The following BPTF variants were observed in gnomAD, a reference collection of about 807,000 sequenced individuals.
BPTF encodes bromodomain PHD finger transcription factor.
Under a neutral mutation model 292.5 loss-of-function variants are expected in BPTF, and 18 were observed. The observed-to-expected ratio is 0.06, with a 90% CI of 0.04 to 0.09. The LOEUF (loss-of-function observed/expected upper bound fraction) is 0.09. BPTF is among the 10% of genes least tolerant of loss of function. The pLI is 1.00. For missense variants in BPTF, 2,726 were observed against 3,498.7 expected (o/e 0.78, Z 5.57); for synonymous variants, 1,225 against 1,251.9 (o/e 0.98, Z 0.45).
At chr17:67,932,153 C>CA in intron 18 of BPTF, 134 bp downstream of exon 18, 1 of 715,458 alleles carries the variant, frequency 1.4e-6, no homozygotes, top group Middle Eastern at 2.5e-4. Flanking sequence ...ATTTCTAATC[C>CA]ATTGTGAGCT....
At position 67,918,842 on chromosome 17, in the gene BPTF, A is replaced by C; in HGVS notation, c.5428+4A>C. On this transcript the variant is annotated splice_donor_region_variant and intron_variant, in intron 12 of 27. Transcript: ENST00000306378. The stretch of plus-strand genomic sequence containing the variant: ...GGAGGAGGGACTACACGGACAGGTA[A>C]GGGGGAAGGGAGTTATTTTCTAATT... The C allele has an allele frequency of 6.2e-7, 1 of 1,612,308 alleles. No individual in the cohort carries two copies.
intron 7 of BPTF, among the ~76,000 whole-genome samples, chr17:67,899,460 C>T (rs2061671424): frequency 6.6e-6 from 1 of 152,072 alleles, no homozygotes; most frequent in African/African-American, 2.4e-5. Flanking sequence ...TTTATATTTT[C>T]CTGGGAACCT....
chr17:67,967,641 C>T (rs991342708), intron 26 of BPTF, among the ~76,000 whole-genome samples: 2 of 151,724 alleles, frequency 1.3e-5, no homozygotes, highest in African/African-American at 4.8e-5. Flanking sequence ...GCCAACATGG[C>T]GAAATACGTC....
At position 67,826,000 on chromosome 17, in the gene BPTF, G is replaced by C; in HGVS notation, c.276G>C (p.Arg92=). 8.7e-7 allele frequency: 1 copy of C among 1,152,608 alleles called. No individual in the cohort carries two copies. Among genetic ancestry groups the C allele is most frequent in the Non-Finnish European group, 1.1e-6 (1 of 936,282 alleles). 71.4% of individuals were successfully genotyped at this position (1,152,608 alleles called of 1,614,324 possible). A position where few individuals can be genotyped will look rare whatever the true frequency, so the allele number is the denominator to read the frequency against. ...PAPPSTSAPG[R]GGRGGGGGRT... Reference sequence around the variant, plus strand: ...CCCCCAGCACCAGCGCCCCGGGCCGGGGGGGGCGAGGAGGCGGGGGCGGCA... The same window carrying C: ...CCCCCAGCACCAGCGCCCCGGGCCGCGGGGGGCGAGGAGGCGGGGGCGGCA... Residue 92 remains arginine (R), a synonymous_variant, in exon 1 of 28, where the codon CGG becomes CGC. Coordinates refer to ENST00000306378, the MANE Select transcript of BPTF (RefSeq NM_182641.4).
chr17:67,907,563 C>T (rs1245886664), intron 9 of BPTF, among the ~76,000 whole-genome samples: 1 of 151,998 alleles, frequency 6.6e-6, no homozygotes, highest in East Asian at 1.9e-4. Flanking sequence ...GCCATGTTGG[C>T]CAGGCTGATC....
intron 27 of BPTF, among the ~76,000 whole-genome samples, chr17:67,978,587 G>A (rs1248463977): frequency 1.3e-5 from 2 of 152,008 alleles, no homozygotes; most frequent in South Asian, 2.1e-4. Flanking sequence ...GTGAGCCACC[G>A]TGCCCGGCCA....
At chr17:67,949,229 G>A (rs183077504) in intron 23 of BPTF, among the ~76,000 whole-genome samples, 15 of 152,178 alleles carry the variant, frequency 9.9e-5, no homozygotes, top group Admixed American at 3.3e-4. Context: ...GCCAAACATG[G>A]TGGCATACGC....
At chr17:67,959,966 A>G in intron 24 of BPTF, 91 bp downstream of exon 24, 2 of 957,472 alleles carry the variant, frequency 2.1e-6, no homozygotes, top group South Asian at 1.9e-5. Context: ...TGGGAGTGAT[A>G]TAAATGAAAA....
intron 11 of BPTF, among the ~76,000 whole-genome samples, 159 bp from the exon 12 acceptor site, chr17:67,918,555 G>T (rs2063212565): frequency 6.6e-6 from 1 of 152,062 alleles, no homozygotes. Flanking sequence ...TTCTTTTAAA[G>T]GACATATAAT....
chr17:67,924,029 C>G (rs1301697578), intron 14 of BPTF, among the ~76,000 whole-genome samples: 1 of 151,504 alleles, frequency 6.6e-6, no homozygotes, highest in Non-Finnish European at 1.5e-5. Flanking sequence ...GACGGAGTCT[C>G]GCTCTGTCAT....
intron 2 of BPTF, among the ~76,000 whole-genome samples, chr17:67,862,743 A>G (rs1385357276): frequency 6.6e-6 from 1 of 152,324 alleles, no homozygotes; most frequent in African/African-American, 2.4e-5. Flanking sequence ...GTTTTGGAGA[A>G]TAGAAGTCTA....
In BPTF at chr17:67,982,969, C is replaced by T. The variant is rs2070579456; in HGVS notation, c.*681C>T. The T allele has an allele frequency of 6.6e-6, 1 of 152,268 alleles. No homozygotes were observed. Among genetic ancestry groups the T allele is most frequent in the Non-Finnish European group, 1.5e-5 (1 of 68,050 alleles). The allele number at this position is 152,268 out of a possible 1,614,324, so 9.4% of individuals were successfully genotyped here. ...GGGCTAAGTGGTCCTGGACTACAGA[C>T]TCTGTTGCCTTGAATATAACAGTAC... On this transcript the variant is annotated 3_prime_UTR_variant, in exon 28 of 28. Transcript: ENST00000306378.
chr17:67,872,663 G>A (rs1441844871), intron 3 of BPTF, among the ~76,000 whole-genome samples: 2 of 151,556 alleles, frequency 1.3e-5, no homozygotes, highest in East Asian at 1.9e-4. Context: ...TCGAGATCAC[G>A]CCACTGCACT....
intron 9 of BPTF, among the ~76,000 whole-genome samples, chr17:67,908,826 ATTTT>A (rs34934455): frequency 1.9e-5 from 2 of 106,086 alleles, no homozygotes. Flanking sequence ...GTCACTGACA[ATTTT>A]TTTTTTTTTT....
intron 21 of BPTF, among the ~76,000 whole-genome samples, chr17:67,947,491 GTGT>G (rs2065899475): frequency 1.3e-5 from 2 of 152,172 alleles, no homozygotes; most frequent in African/African-American, 4.8e-5. Flanking sequence ...CTATGGTTCA[GTGT>G]TGTTGTAAGG....
intron 7 of BPTF, among the ~76,000 whole-genome samples, chr17:67,897,176 A>C (rs1190331475): frequency 6.6e-6 from 1 of 151,328 alleles, no homozygotes; most frequent in African/African-American, 2.4e-5. Context: ...AAAAAAAACA[A>C]AAACAAAAAA....
chr17:67,885,896 G>C (rs752013306), intron 4 of BPTF, among the ~76,000 whole-genome samples: 1 of 152,104 alleles, frequency 6.6e-6, no homozygotes, highest in Non-Finnish European at 1.5e-5. Context: ...CAGTGAGTTA[G>C]AGTTGGGTCC....
intron 3 of BPTF, among the ~76,000 whole-genome samples, chr17:67,869,769 G>T (rs1180955966): frequency 6.7e-6 from 1 of 148,696 alleles, no homozygotes; most frequent in African/African-American, 2.5e-5. Flanking sequence ...GGATCACGAG[G>T]TCAGGAGATC....
rs2062074074 is a variant in BPTF at position 67,904,916 on chromosome 17, A to G, written c.2812+76A>G. On this transcript the variant is annotated intron_variant, in intron 9 of 27. Transcript: ENST00000306378. The stretch of plus-strand genomic sequence containing the variant: ...CTTATAAATTTGTAGTATTTTGACT[A>G]TATTTTAGATAAAAACATTTTTCTG... 3.4e-6 allele frequency: 4 copies of G among 1,192,840 alleles called. No individual in the cohort carries two copies. In the South Asian group the frequency reaches 8.0e-5, roughly 24 times the overall value. 73.9% of individuals were successfully genotyped at this position (1,192,840 alleles called of 1,614,324 possible).
Sources: allele counts gnomAD v4.1 joint callset (sites outside exome capture counted in the v4.1 genomes callset), GRCh38; gene constraint gnomAD v4.1.1; transcripts MANE v1.5; gene names NCBI Gene and HGNC (gene_info 2026-07-23, HGNC 2026-07-21).